The following SLC12A2 variants were observed in gnomAD, a reference collection of about 807,000 sequenced individuals.
The protein encoded by SLC12A2 is solute carrier family 12 member 2.
Under a neutral mutation model 136.3 loss-of-function variants are expected in SLC12A2, and 67 were observed. The observed-to-expected ratio is 0.49, with a 90% CI of 0.40 to 0.60. The LOEUF is 0.60. Ranked by LOEUF, SLC12A2 falls within the 20% of genes least tolerant of loss-of-function variation. The probability of loss-of-function intolerance (pLI) is 0.00; values close to 1 mark genes in which losing one functional copy is unlikely to be tolerated. For synonymous variants in SLC12A2, 619 were observed against 562.9 expected (o/e 1.10, Z -1.41); for missense variants, 1,322 against 1,534.7 (o/e 0.86, Z 2.32).
At chr5:128,102,364 A>G (rs903613980) in intron 1 of SLC12A2, among the ~76,000 whole-genome samples, 3 of 151,958 alleles carry the variant, frequency 2.0e-5, no homozygotes, top group Middle Eastern at 3.2e-3. Context: ...CCTCCACAAA[A>G]TAGCCACTAC....
intron 5 of SLC12A2, among the ~76,000 whole-genome samples, chr5:128,133,092 T>C (rs1298925590): frequency 6.6e-6 from 1 of 152,036 alleles, no homozygotes; most frequent in African/African-American, 2.4e-5. Flanking sequence ...TTCTCAGATA[T>C]GATTTTCCAA....
intron 17 of SLC12A2, among the ~76,000 whole-genome samples, chr5:128,167,470 C>T (rs563019281): frequency 2.6e-5 from 4 of 151,976 alleles, no homozygotes; most frequent in African/African-American, 9.7e-5. Context: ...TATTCTCTTT[C>T]TCTTAGTAAA....
chr5:128,098,452 T>G, intron 1 of SLC12A2, among the ~76,000 whole-genome samples: 1 of 151,462 alleles, frequency 6.6e-6, no homozygotes, highest in Non-Finnish European at 1.5e-5. Context: ...ATGGGCCACA[T>G]GGAGGAAATT....
At chr5:128,126,967 T>TATATATA (rs1491322749) in intron 4 of SLC12A2, among the ~76,000 whole-genome samples, 47 of 29,636 alleles carry the variant, frequency 1.6e-3, no homozygotes, top group African/African-American at 9.0e-3. Context: ...TATATATATA[T>TATATATA]TTTTTTTTTT....
intron 1 of SLC12A2, among the ~76,000 whole-genome samples, chr5:128,100,894 C>G (rs1760719887): frequency 6.6e-6 from 1 of 152,226 alleles, no homozygotes; most frequent in Admixed American, 6.5e-5. Flanking sequence ...AATGCTATTT[C>G]TAATGCATTC....
intron 16 of SLC12A2, among the ~76,000 whole-genome samples, chr5:128,158,739 G>A (rs77086350): frequency 0.3 from 45,298 of 151,920 alleles, 7,735 homozygotes; most frequent in African/African-American, 0.47. Flanking sequence ...TTGCTGAGTC[G>A]AATGATAGTT....
chr5:128,128,344 C>A (rs1374483785), intron 4 of SLC12A2, among the ~76,000 whole-genome samples: 2 of 152,108 alleles, frequency 1.3e-5, no homozygotes, highest in East Asian at 3.8e-4. Flanking sequence ...AGTATTGTCA[C>A]TACTTAGTAT....
intron 12 of SLC12A2, among the ~76,000 whole-genome samples, chr5:128,149,173 C>T (rs1256997876): frequency 6.6e-6 from 1 of 151,752 alleles, no homozygotes; most frequent in African/African-American, 2.4e-5. Context: ...CTTTGATGAT[C>T]TATTTTTTTG....
chr5:128,159,831 G>T (rs1035837423), intron 16 of SLC12A2, among the ~76,000 whole-genome samples: 1 of 152,146 alleles, frequency 6.6e-6, no homozygotes, highest in Admixed American at 6.5e-5. Flanking sequence ...ACAGCGTGGC[G>T]ATTCCTCAAG....
At chr5:128,131,282 G>A (rs756181214) in intron 5 of SLC12A2, 76 bp downstream of exon 5, 7 of 1,468,026 alleles carry the variant, frequency 4.8e-6, no homozygotes, top group Non-Finnish European at 6.7e-6. Context: ...CATGTTAGAG[G>A]TTGGGAAAGC....
rs1561690172 is a variant in SLC12A2, at chr5:128,152,749, T to C, written c.2307T>C (p.Asn769=). ...CTACACAAGCCCTGACTTACCTGAA[T>C]GCACTGCAGCATTCAATTCGTCTTT... ...GSSTQALTYL[N]ALQHSIRLSG... is the part of the protein sequence containing the mutation. The change falls in exon 15 of 27, where the codon AAT becomes AAC. Residue 769 remains asparagine (N), a synonymous_variant. Coordinates refer to ENST00000262461, the MANE Select transcript of SLC12A2 (RefSeq NM_001046.3). The C allele has an allele frequency of 1.9e-6, 3 of 1,613,774 alleles. No individual in the cohort carries two copies. The highest frequency in any genetic ancestry group is 2.7e-5 in the African/African-American group (2 of 74,924).
rs1337067085 is a variant in SLC12A2, at chr5:128,139,088, A to C, written c.1621+180A>C. On this transcript the variant is annotated intron_variant, in intron 9 of 26. Coordinates refer to ENST00000262461, the MANE Select transcript of SLC12A2 (RefSeq NM_001046.3). Reference sequence around the variant, plus strand: ...AGAAAACTAGTAATGACTTCTATAGACATTATCTAAACCGCCAAATGCTTT... The same window carrying C: ...AGAAAACTAGTAATGACTTCTATAGCCATTATCTAAACCGCCAAATGCTTT... Among the ~76,000 whole-genome samples, 6 of 152,166 alleles carry C rather than the reference A, an allele frequency of 3.9e-5. No homozygotes were observed. In the East Asian group the frequency reaches 1.2e-3, roughly 29 times the overall value.
intron 15 of SLC12A2, among the ~76,000 whole-genome samples, chr5:128,153,107 A>T (rs545552873): frequency 7.8e-4 from 119 of 152,206 alleles, no homozygotes; most frequent in Non-Finnish European, 1.4e-3. Context: ...AGATTTTTTG[A>T]CATGCGTTAT....
chr5:128,089,964 G>A (rs1760249899), intron 1 of SLC12A2, among the ~76,000 whole-genome samples: 1 of 152,168 alleles, frequency 6.6e-6, no homozygotes, highest in Non-Finnish European at 1.5e-5. Flanking sequence ...GTAGTGTCCA[G>A]AACTGGGTAA....
chr5:128,142,458 T>C (rs1039434316), intron 10 of SLC12A2, among the ~76,000 whole-genome samples: 4 of 152,096 alleles, frequency 2.6e-5, no homozygotes, highest in Non-Finnish European at 5.9e-5. Flanking sequence ...AACTAAAATA[T>C]GAATGGATAA....
Position 128,084,264 on chromosome 5 carries a change from G to A in SLC12A2, c.310G>A (p.Ala104Thr). 3.1e-6 allele frequency: 4 copies of A among 1,287,832 alleles called. No homozygotes were observed. Among genetic ancestry groups the A allele is most frequent in the South Asian group, 3.0e-5 (1 of 33,364 alleles). 79.8% of individuals were successfully genotyped at this position (1,287,832 alleles called of 1,614,324 possible). A position where few individuals can be genotyped will look rare whatever the true frequency, so the allele number is the denominator to read the frequency against. The change falls in exon 1 of 27, where the codon GCG (alanine) becomes ACG (threonine). Residue 104 changes from alanine to threonine, a missense_variant. Coordinates refer to ENST00000262461, the MANE Select transcript of SLC12A2 (RefSeq NM_001046.3). The surrounding 1 kb of genome is among the most constrained non-coding windows in gnomAD (Gnocchi z 5.6). ...AAAAAAAAAAAAAAGAGAGAK... is the reference protein window; with the variant it reads ...AAAAAAAAAATAAAGAGAGAK... ...TGCGGCGGCGGCGGCGGCGGCGGCA[G>A]CGGCGGCGGCTGGTGCTGGGGCGGG...
At chr5:128,167,737 A>C in intron 17 of SLC12A2, 24 bp from the exon 18 acceptor site, 2 of 1,464,318 alleles carry the variant, frequency 1.4e-6, no homozygotes, top group Non-Finnish European at 1.9e-6. Context: ...ATATCTGTAA[A>C]GTTATATTGA....
intron 10 of SLC12A2, among the ~76,000 whole-genome samples, chr5:128,145,735 AT>A (rs1478755740): frequency 6.6e-6 from 1 of 152,010 alleles, no homozygotes; most frequent in Non-Finnish European, 1.5e-5. Context: ...AGACTTATGC[AT>A]TGTGGACAGG....
At chr5:128,156,567 G>A (rs538673748) in intron 15 of SLC12A2, among the ~76,000 whole-genome samples, 4 of 152,102 alleles carry the variant, frequency 2.6e-5, no homozygotes, top group Admixed American at 6.5e-5. Context: ...TCACAATAAC[G>A]GGTTCTATTA....
Sources: allele counts gnomAD v4.1 joint callset (sites outside exome capture counted in the v4.1 genomes callset), GRCh38; gene constraint gnomAD v4.1.1; non-coding constraint Gnocchi (gnomAD v3.1); transcripts MANE v1.5; gene names NCBI Gene and HGNC (gene_info 2026-07-23, HGNC 2026-07-21).